Variants in PSD3 observed in about 807,000 individuals in gnomAD.
The protein encoded by PSD3 is pleckstrin and Sec7 domain containing 3.
PSD3 carries 49 observed loss-of-function variants against 105.5 expected under a neutral mutation model. The ratio of observed to expected loss-of-function variants is 0.46; its 90% CI spans 0.37 to 0.59. The LOEUF is 0.59. Ranked by LOEUF, PSD3 falls within the 20% of genes least tolerant of loss-of-function variation. PSD3 has a pLI of 0.00. For missense variants in PSD3, 1,561 were observed against 1,263.8 expected, an observed-to-expected ratio of 1.24 and a Z score of -3.57; for synonymous variants, 557 against 457.8, an observed-to-expected ratio of 1.22 and a Z score of -2.77.
chr8:18,920,916 C>T (rs1471454043), intron 2 of PSD3, among the ~76,000 whole-genome samples: 1 of 152,158 alleles, frequency 6.6e-6, no homozygotes, highest in African/African-American at 2.4e-5. Context: ...ATTATTTTCC[C>T]TTGTGACACT....
chr8:19,030,543 C>A (rs528997670), intron 1 of PSD3, among the ~76,000 whole-genome samples: 1 of 152,186 alleles, frequency 6.6e-6, no homozygotes, highest in South Asian at 2.1e-4. Context: ...GCCGACCACA[C>A]TTTCTCTCTT....
At chr8:18,695,058 T>C (rs1376511896) in intron 9 of PSD3, among the ~76,000 whole-genome samples, 5 of 152,144 alleles carry the variant, frequency 3.3e-5, no homozygotes, top group Admixed American at 6.5e-5. Context: ...CCAAATTCTC[T>C]AGGGGTAAAA....
rs942833500 is a variant in PSD3, at chr8:18,537,544, T to C, written c.2929-1586A>G. Among the ~76,000 whole-genome samples, 16 of 152,304 alleles carry C rather than the reference T, an allele frequency of 1.1e-4. No individual in the cohort carries two copies. In the East Asian group the frequency reaches 1.9e-3, roughly 18 times the overall value. ...ATACTTACTTTCCCAGTCTCTCTTG[T>C]AGCTAAGTTGGGCCATGTGATATTG... is the stretch of plus-strand genomic sequence containing the variant. On this transcript the variant is annotated intron_variant, in intron 15 of 15. Transcript: ENST00000327040.
intron 9 of PSD3, among the ~76,000 whole-genome samples, chr8:18,666,034 T>C (rs1799430703): frequency 6.6e-6 from 1 of 152,258 alleles, no homozygotes; most frequent in East Asian, 1.9e-4. Flanking sequence ...ACACACATAA[T>C]AAACTACAGT....
In PSD3 at chr8:19,001,921, A is replaced by G. The variant is rs1025082794; in HGVS notation, c.21+11642T>C. On this transcript the variant is annotated intron_variant, in intron 1 of 15. Transcript: ENST00000327040. ...GCACAAGAAGAAGTCTGAATATGTGAAAGCCAGCAACAGCGCCTTTGAGGC... is the reference window on the plus strand; with the variant it reads ...GCACAAGAAGAAGTCTGAATATGTGGAAGCCAGCAACAGCGCCTTTGAGGC... The G allele has an allele frequency of 1.1e-4, 20 of 185,866 alleles. 1 individual carries two copies. The highest frequency in any genetic ancestry group is 1.3e-3 in the Middle Eastern group (2 of 1,524). The allele number at this position is 185,866 out of a possible 1,614,324, so 11.5% of individuals were successfully genotyped here. A position where few individuals can be genotyped will look rare whatever the true frequency, so the allele number is the denominator to read the frequency against.
intron 1 of PSD3, among the ~76,000 whole-genome samples, chr8:18,945,004 A>C (rs1822773553): frequency 6.6e-6 from 1 of 152,128 alleles, no homozygotes; most frequent in Non-Finnish European, 1.5e-5. Context: ...AGACCTCAAC[A>C]CTAGCTGTGC....
intron 9 of PSD3, among the ~76,000 whole-genome samples, chr8:18,690,355 G>A (rs1346937705): frequency 6.6e-6 from 1 of 152,178 alleles, no homozygotes; most frequent in African/African-American, 2.4e-5. Flanking sequence ...TGCAGAGAAC[G>A]ATAGCTACTA....
At chr8:18,570,587 A>T (rs1382497528) in intron 14 of PSD3, among the ~76,000 whole-genome samples, 1 of 148,854 alleles carries the variant, frequency 6.7e-6, no homozygotes, top group Non-Finnish European at 1.5e-5. Flanking sequence ...ACAAAGGGCT[A>T]ATATCCAGAA....
intron 4 of PSD3, among the ~76,000 whole-genome samples, chr8:18,821,262 T>C (rs185947027): frequency 9.2e-4 from 140 of 152,226 alleles, no homozygotes; most frequent in African/African-American, 3.2e-3. Flanking sequence ...ATTCTCTCTA[T>C]TCAACGCCTT....
chr8:19,013,148 G>A (rs1338313748), intron 1 of PSD3, among the ~76,000 whole-genome samples: 1 of 151,980 alleles, frequency 6.6e-6, no homozygotes, highest in African/African-American at 2.4e-5. Context: ...TCCCTTGTCC[G>A]TTTGCTCGCT....
chr8:18,910,826 G>A (rs1197095655), intron 2 of PSD3, among the ~76,000 whole-genome samples: 1 of 151,620 alleles, frequency 6.6e-6, no homozygotes, highest in Non-Finnish European at 1.5e-5. Context: ...AAGAAATTGT[G>A]CCTTCAAATG....
At chr8:18,815,582 A>G (rs370896040) in intron 4 of PSD3, among the ~76,000 whole-genome samples, 34 of 152,248 alleles carry the variant, frequency 2.2e-4, no homozygotes, top group African/African-American at 8.2e-4. Flanking sequence ...AAGTGCTGGG[A>G]TTATGAGAGG....
At chr8:19,012,844 C>T (rs1827017267) in intron 1 of PSD3, among the ~76,000 whole-genome samples, 1 of 152,182 alleles carries the variant, frequency 6.6e-6, no homozygotes, top group African/African-American at 2.4e-5. Flanking sequence ...ATCCCGCTAT[C>T]GGGAGAACCA....
chr8:18,649,576 G>C (rs900634513), intron 10 of PSD3, among the ~76,000 whole-genome samples: 10 of 152,164 alleles, frequency 6.6e-5, no homozygotes, highest in Non-Finnish European at 1.0e-4. Flanking sequence ...AATGAGTTAA[G>C]ACTTTGAGGG....
chr8:19,069,894 T>G (rs528653635), intron 1 of PSD3, among the ~76,000 whole-genome samples: 1 of 152,254 alleles, frequency 6.6e-6, no homozygotes, highest in Admixed American at 6.5e-5. Context: ...CTATTTTTAG[T>G]TGCGAAATCT....
chr8:18,750,998 G>C (rs1197439528), intron 9 of PSD3, among the ~76,000 whole-genome samples: 8 of 152,154 alleles, frequency 5.3e-5, no homozygotes, highest in Non-Finnish European at 1.5e-5. Flanking sequence ...ATCCCGCACC[G>C]GGGCTGCAGG....
At chr8:19,068,238 T>TAA (rs35079791) in intron 1 of PSD3, among the ~76,000 whole-genome samples, 26 of 150,052 alleles carry the variant, frequency 1.7e-4, no homozygotes, top group Admixed American at 1.3e-4. Context: ...CTGAGGATTT[T>TAA]AAAAAAAAAT....
chr8:19,062,849 T>C (rs1828950564), intron 1 of PSD3, among the ~76,000 whole-genome samples: 1 of 152,216 alleles, frequency 6.6e-6, no homozygotes, highest in Non-Finnish European at 1.5e-5. Flanking sequence ...AATATCAATC[T>C]TTTTGCAGAA....
At chr8:18,955,406 G>C (rs971524239) in intron 1 of PSD3, among the ~76,000 whole-genome samples, 1 of 152,022 alleles carries the variant, frequency 6.6e-6, no homozygotes, top group African/African-American at 2.4e-5. Context: ...GCCTGTCTTT[G>C]TCTATTTTAA....
Sources: allele counts gnomAD v4.1 joint callset (sites outside exome capture counted in the v4.1 genomes callset), GRCh38; gene constraint gnomAD v4.1.1; transcripts MANE v1.5; gene names NCBI Gene and HGNC (gene_info 2026-07-23, HGNC 2026-07-21).